Variants in ASTN2 observed in about 807,000 individuals in gnomAD.
ASTN2 encodes astrotactin-2.
ASTN2 carries 54 observed loss-of-function variants against 139.8 expected under a neutral mutation model. That is an observed-to-expected ratio of 0.39 (90% confidence interval 0.31 to 0.48). ASTN2 has a LOEUF of 0.48. Ranked by LOEUF, ASTN2 falls within the 20% of genes least tolerant of loss-of-function variation. The pLI, the probability that ASTN2 is intolerant of heterozygous loss-of-function variation, is 0.95. For missense variants in ASTN2, 1,565 were observed against 1,725.1 expected (o/e 0.91, Z 1.64); for synonymous variants, 756 against 719.5 (o/e 1.05, Z -0.81).
chr9:117,237,583 A>G (rs894325965), intron 2 of ASTN2, among the ~76,000 whole-genome samples: 1 of 152,118 alleles, frequency 6.6e-6, no homozygotes, highest in Non-Finnish European at 1.5e-5. Flanking sequence ...AGGTTCAAGC[A>G]ATTCTCTTGC....
intron 16 of ASTN2, chr9:116,687,118 G>T: frequency 8.9e-7 from 1 of 1,122,692 alleles, no homozygotes; most frequent in Non-Finnish European, 1.1e-6. Context: ...TTCTTCATCT[G>T]CACCAAGGAG....
intron 10 of ASTN2, among the ~76,000 whole-genome samples, chr9:116,967,714 G>C (rs765487533): frequency 6.6e-6 from 1 of 152,162 alleles, no homozygotes; most frequent in Non-Finnish European, 1.5e-5. Context: ...ATGTAAGACC[G>C]GTATCAAGGG....
chr9:116,658,359 G>A (rs1858352339), intron 16 of ASTN2, among the ~76,000 whole-genome samples: 1 of 152,148 alleles, frequency 6.6e-6, no homozygotes, highest in Non-Finnish European at 1.5e-5. Flanking sequence ...CAAACCCCCA[G>A]AGGTTGCCCA....
chr9:116,925,861 A>AACACACAAACAC (rs1554761467), intron 10 of ASTN2, among the ~76,000 whole-genome samples: 4 of 54,140 alleles, frequency 7.4e-5, no homozygotes, highest in South Asian at 1.1e-3. Flanking sequence ...TACACAACAC[A>AACACACAAACAC]ACACACACAC....
intron 10 of ASTN2, among the ~76,000 whole-genome samples, chr9:116,882,028 A>C (rs1310451364): frequency 1.3e-5 from 2 of 152,170 alleles, no homozygotes; most frequent in East Asian, 3.8e-4. Context: ...GATGATTCCT[A>C]ATTTCTTTTG....
chr9:116,620,186 A>G, intron 18 of ASTN2, 124 bp downstream of exon 18: 1 of 1,364,484 alleles, frequency 7.3e-7, no homozygotes, highest in Non-Finnish European at 1.0e-6. Flanking sequence ...GGTAGATTCC[A>G]GGGTCTTTGA....
chr9:116,474,450 A>G (rs181945951), intron 20 of ASTN2, among the ~76,000 whole-genome samples: 15 of 152,324 alleles, frequency 9.8e-5, no homozygotes, highest in African/African-American at 3.1e-4. Context: ...AGGAGAACAG[A>G]GCAGCAAGAA....
At chr9:116,825,437 A>T (rs1831599727) in intron 11 of ASTN2, among the ~76,000 whole-genome samples, 1 of 152,190 alleles carries the variant, frequency 6.6e-6, no homozygotes, top group Admixed American at 6.5e-5. Context: ...CCAAAAGAAA[A>T]ACTAGCCTAG....
intron 5 of ASTN2, among the ~76,000 whole-genome samples, chr9:117,065,059 T>C (rs1827893908): frequency 6.6e-6 from 1 of 152,056 alleles, no homozygotes; most frequent in Non-Finnish European, 1.5e-5. Flanking sequence ...TTGGTGTCCT[T>C]ATAAGAGAAA....
In ASTN2 at chr9:117,223,140, A is replaced by C. The variant is rs147090895; in HGVS notation, c.631-8398T>G. On this transcript the variant is annotated intron_variant, in intron 2 of 22. Transcript: ENST00000313400. ...TGGCAAAATCAGCTGTATACCTTGG[A>C]AAGATCATAGTGGGCATGATGGGGA... Among the ~76,000 whole-genome samples the C allele has an allele frequency of 4.1e-3, 622 of 152,328 alleles. 8 individuals carry two copies. Among genetic ancestry groups the C allele is most frequent in the African/African-American group, 0.014 (589 of 41,568 alleles).
intron 1 of ASTN2, among the ~76,000 whole-genome samples, chr9:117,338,365 C>T (rs1471960789): frequency 6.6e-6 from 1 of 152,066 alleles, no homozygotes; most frequent in African/African-American, 2.4e-5. Context: ...GCATCTAAAA[C>T]CTCCTTTCTT....
At chr9:116,502,383 A>G (rs1001847894) in intron 19 of ASTN2, among the ~76,000 whole-genome samples, 2 of 151,886 alleles carry the variant, frequency 1.3e-5, no homozygotes, top group Admixed American at 6.6e-5. Context: ...CAGCCAGAAA[A>G]TACTCAGAAA....
intron 16 of ASTN2, among the ~76,000 whole-genome samples, chr9:116,652,430 A>G (rs1316755525): frequency 6.6e-6 from 1 of 152,198 alleles, no homozygotes; most frequent in East Asian, 1.9e-4. Context: ...ATTCAAAGAT[A>G]TTTTTTACCC....
Position 116,699,068 on chromosome 9 carries a change from T to A in ASTN2, c.2806+26703A>T, listed in dbSNP as rs1372713940. The stretch of plus-strand genomic sequence containing the variant: ...TGGCAATGAACTGCCAGGGGCTGAT[T>A]GGTGTGACTGACAGCTATGATAACT... On this transcript the variant is annotated intron_variant, in intron 16 of 22. Coordinates refer to ENST00000313400, the MANE Select transcript of ASTN2 (RefSeq NM_001365068.1). The surrounding 1 kb of genome is among the most constrained non-coding windows in gnomAD (Gnocchi z 4.2). 7 of 1,614,020 alleles carry A rather than the reference T, an allele frequency of 4.3e-6. No individual in the cohort carries two copies. The Admixed American group carries it at 5.0e-5, about 12-fold the overall frequency.
intron 2 of ASTN2, among the ~76,000 whole-genome samples, chr9:117,216,724 G>A (rs1832333334): frequency 6.6e-6 from 1 of 151,922 alleles, no homozygotes; most frequent in African/African-American, 2.4e-5. Flanking sequence ...ATTTTTTTGT[G>A]TTTCAGAAAT....
At chr9:116,520,019 C>T (rs1376404501) in intron 19 of ASTN2, among the ~76,000 whole-genome samples, 2 of 151,894 alleles carry the variant, frequency 1.3e-5, no homozygotes, top group Admixed American at 1.3e-4. Flanking sequence ...AATTTAAAAA[C>T]TACCAACAAG....
intron 3 of ASTN2, among the ~76,000 whole-genome samples, chr9:117,202,756 T>A (rs577673200): frequency 6.6e-6 from 1 of 152,314 alleles, no homozygotes; most frequent in Non-Finnish European, 1.5e-5. Context: ...TCTCTCTGGC[T>A]GCCCTTAACA....
At chr9:116,711,805 T>A (rs1441861277) in intron 16 of ASTN2, among the ~76,000 whole-genome samples, 3 of 152,172 alleles carry the variant, frequency 2.0e-5, no homozygotes, top group Admixed American at 6.5e-5. Context: ...ACATTAATTT[T>A]TTTTCTGAAT....
intron 6 of ASTN2, among the ~76,000 whole-genome samples, chr9:117,018,616 G>A (rs1007529773): frequency 3.9e-5 from 6 of 152,114 alleles, no homozygotes; most frequent in African/African-American, 1.4e-4. Flanking sequence ...CATAGACCTT[G>A]AAGTGGGCAG....
Sources: gnomAD v4.1 joint callset for allele counts (sites outside exome capture counted in the v4.1 genomes callset) on GRCh38, gnomAD v4.1.1 for gene constraint, Gnocchi (gnomAD v3.1) non-coding constraint, MANE v1.5 for transcripts, NCBI Gene and HGNC (gene_info 2026-07-23, HGNC 2026-07-21) for gene names.